CALCOCO2: variants seen among roughly 807,000 people sequenced by gnomAD.
The protein encoded by CALCOCO2 is calcium-binding and coiled-coil domain-containing protein 2.
In CALCOCO2, 42 loss-of-function variants were observed where a neutral mutation model predicts 62.5. That is an observed-to-expected ratio of 0.67 (90% CI 0.53 to 0.87). The LOEUF (loss-of-function observed/expected upper bound fraction) is 0.87, where lower values mean the gene tolerates loss of function less well. Among genes scored for constraint, CALCOCO2 ranks in the 40% least tolerant of loss-of-function variants. CALCOCO2 has a pLI of 0.00. For missense variants in CALCOCO2, 456 were observed against 515.0 expected, an observed-to-expected ratio of 0.89 and a Z score of 1.11; for synonymous variants, 167 against 173.0, an observed-to-expected ratio of 0.97 and a Z score of 0.27.
At chr17:48,849,145 G>A (rs1453560177) in intron 4 of CALCOCO2, 107 bp from the exon 5 acceptor site, 12 of 984,094 alleles carry the variant, frequency 1.2e-5, no homozygotes, top group Non-Finnish European at 1.9e-5. Flanking sequence ...GGGATACATA[G>A]GTGTCACTGC....
intron 2 of CALCOCO2, among the ~76,000 whole-genome samples, chr17:48,847,237 G>T (rs553781763): frequency 4.6e-4 from 69 of 151,116 alleles, no homozygotes; most frequent in Middle Eastern, 3.4e-3. Context: ...AAAATAATGG[G>T]TTTTTTTTTA....
At position 48,848,423 on chromosome 17, in the gene CALCOCO2, A is replaced by G. The variant is rs1410967677; in HGVS notation, c.385A>G (p.Asn129Asp). Residue 129 changes from asparagine to aspartate, a missense_variant, in exon 4 of 13, where the codon AAT becomes GAT. Physicochemically the swap from Asn to Asp is conservative, Grantham distance 23. This residue lies in a region of CALCOCO2 where 236 missense variants were observed against 225.3 expected (regional missense o/e 1.05). Transcript: ENST00000258947. ...ASIPFQFRPENEEDILVVTTQ... is the reference protein window; with the variant it reads ...ASIPFQFRPEDEEDILVVTTQ... ...TATTCCTTTCCAATTCCGTCCAGAAAATGAGGAAGACATCCTGGTTGTTAC... is the reference window on the plus strand; with the variant it reads ...TATTCCTTTCCAATTCCGTCCAGAAGATGAGGAAGACATCCTGGTTGTTAC... 1.2e-6 allele frequency: 2 copies of G among 1,613,964 alleles called. No individual in the cohort carries two copies. Among genetic ancestry groups the G allele is most frequent in the South Asian group, 2.2e-5 (2 of 91,082 alleles).
In CALCOCO2 at chr17:48,863,969, T is replaced by C. The variant is rs560628021; in HGVS notation, c.*964T>C. ...TGATTTCTCTTCACCTGTCTTAAGA[T>C]TAAATAAAAAAGAGTGTCCTGGCAG... On this transcript the variant is annotated 3_prime_UTR_variant, in exon 13 of 13. Coordinates refer to ENST00000258947, the MANE Select transcript of CALCOCO2 (RefSeq NM_005831.5). The C allele has an allele frequency of 5.9e-5, 9 of 152,132 alleles. No homozygotes were observed. Among genetic ancestry groups the C allele is most frequent in the African/African-American group, 1.9e-4 (8 of 41,524 alleles). 9.4% of individuals were successfully genotyped at this position (152,132 alleles called of 1,614,324 possible). A position where few individuals can be genotyped will look rare whatever the true frequency, so the allele number is the denominator to read the frequency against.
In CALCOCO2 at chr17:48,840,211, C is replaced by G. The variant is rs576406165; in HGVS notation, c.-10-1487C>G. Among the ~76,000 whole-genome samples the G allele has an allele frequency of 5.9e-5, 9 of 152,144 alleles. No individual in the cohort carries two copies. The East Asian group carries it at 1.7e-3, about 30-fold the overall frequency. On this transcript the variant is annotated intron_variant, in intron 1 of 12. Transcript: ENST00000258947. ...GTGGCACAATCTTGGCTCGCTGCAGCCTAGACCTCCCAGGCTCAAGCCATC... is the reference window on the plus strand; with the variant it reads ...GTGGCACAATCTTGGCTCGCTGCAGGCTAGACCTCCCAGGCTCAAGCCATC...
chr17:48,860,522 G>C, intron 11 of CALCOCO2, 73 bp downstream of exon 11: 2 of 1,426,034 alleles, frequency 1.4e-6, no homozygotes, highest in Non-Finnish European at 2.0e-6. Context: ...TTTTGTTTCT[G>C]AGGTGCTAAT....
chr17:48,852,039 G>A (rs1217900598), intron 7 of CALCOCO2, among the ~76,000 whole-genome samples: 1 of 151,958 alleles, frequency 6.6e-6, no homozygotes, highest in East Asian at 1.9e-4. Flanking sequence ...TCGGGAGGCT[G>A]AGGCAGAAGA....
At chr17:48,848,843 A>G (rs776140907) in intron 4 of CALCOCO2, 7 of 480,756 alleles carry the variant, frequency 1.5e-5, no homozygotes, top group South Asian at 9.3e-5. Context: ...TATTAGATTC[A>G]TTTTCTTACT....
chr17:48,863,290 C>T lies in CALCOCO2; in HGVS notation c.*285C>T. On this transcript the variant is annotated 3_prime_UTR_variant, in exon 13 of 13. Transcript: ENST00000258947. ...TCAGTACAAGGGCCCTGGGATGGAGCCAACCTGGGTATTCACAACAGGCCT... is the reference window on the plus strand; with the variant it reads ...TCAGTACAAGGGCCCTGGGATGGAGTCAACCTGGGTATTCACAACAGGCCT... The T allele has an allele frequency of 2.6e-6, 1 of 379,400 alleles. No individual in the cohort carries two copies. 23.5% of individuals were successfully genotyped at this position (379,400 alleles called of 1,614,324 possible).
chr17:48,859,897 C>T (rs768777652), intron 10 of CALCOCO2, among the ~76,000 whole-genome samples: 4 of 152,156 alleles, frequency 2.6e-5, no homozygotes, highest in Non-Finnish European at 5.9e-5. Context: ...GAGTTCGAGA[C>T]CAGCCCGGCC....
intron 10 of CALCOCO2, among the ~76,000 whole-genome samples, chr17:48,858,803 C>T (rs2040281414): frequency 6.6e-6 from 1 of 151,452 alleles, no homozygotes; most frequent in African/African-American, 2.4e-5. Flanking sequence ...GCCTGTAATC[C>T]CAGCACTTTG....
chr17:48,855,479 T>G (rs1259482727), intron 9 of CALCOCO2, among the ~76,000 whole-genome samples: 3 of 152,138 alleles, frequency 2.0e-5, no homozygotes, highest in African/African-American at 7.2e-5. Flanking sequence ...GTTTGTGAGG[T>G]ATGCACATGT....
intron 1 of CALCOCO2, chr17:48,831,980 C>CTCT (rs1320271619): frequency 2.0e-5 from 3 of 152,164 alleles, no homozygotes; most frequent in African/African-American, 7.2e-5. Context: ...CTTTGGCAGA[C>CTCT]ATGACAGCTG....
chr17:48,848,510 G>A, intron 4 of CALCOCO2, 55 bp downstream of exon 4: 1 of 1,526,340 alleles, frequency 6.6e-7, no homozygotes, highest in East Asian at 2.2e-5. Flanking sequence ...AGCAATATAG[G>A]ATAGGATGGA....
At chr17:48,858,011 ATAG>A (rs1316240840) in intron 10 of CALCOCO2, among the ~76,000 whole-genome samples, 4 of 16,284 alleles carry the variant, frequency 2.5e-4, no homozygotes, top group Non-Finnish European at 5.9e-4. Flanking sequence ...ATAGAATAGA[ATAG>A]AATAGAATAG....
intron 1 of CALCOCO2, among the ~76,000 whole-genome samples, chr17:48,837,480 A>T (rs12939265): frequency 0.36 from 54,391 of 151,710 alleles, 11,528 homozygotes; most frequent in Non-Finnish European, 0.49. Flanking sequence ...CCCCCTCTGT[A>T]CTAAAAATAC....
intron 6 of CALCOCO2, 88 bp from the exon 7 acceptor site, chr17:48,851,470 AG>A: frequency 3.7e-6 from 3 of 809,026 alleles, no homozygotes; most frequent in Non-Finnish European, 6.6e-6. Flanking sequence ...CTGCAGGCTT[AG>A]GGCCAAGCCA....
chr17:48,837,207 G>A (rs1250994082), intron 1 of CALCOCO2, among the ~76,000 whole-genome samples: 1 of 152,134 alleles, frequency 6.6e-6, no homozygotes, highest in East Asian at 1.9e-4. Flanking sequence ...AGACCACTTG[G>A]AAATAAAGGG....
intron 7 of CALCOCO2, among the ~76,000 whole-genome samples, chr17:48,852,094 C>T (rs568063739): frequency 4.0e-5 from 6 of 151,108 alleles, no homozygotes; most frequent in East Asian, 1.9e-4. Context: ...ATAGAGATTG[C>T]ACCACTGCAC....
Position 48,863,002 on chromosome 17 carries a change from C to CGG in CALCOCO2, c.1338_1339insGG (p.Ter447GlyfsTer16). On this transcript the variant is annotated frameshift_variant, in exon 13 of 13. Transcript: ENST00000258947. LOFTEE classifies it high-confidence loss of function. ...AAGACCACGTGTTCTGCCACTCTCTCTGAGTATCCCAACCTCTTGGATGTA... is the reference window on the plus strand; with the variant it reads ...AAGACCACGTGTTCTGCCACTCTCTCGGTGAGTATCCCAACCTCTTGGATGTA... 6.2e-7 allele frequency: 1 copy of CGG among 1,607,578 alleles called. No homozygotes were observed. Among genetic ancestry groups the CGG allele is most frequent in the East Asian group, 2.2e-5 (1 of 44,854 alleles).
Sources: allele counts gnomAD v4.1 joint callset (sites outside exome capture counted in the v4.1 genomes callset), GRCh38; gene constraint gnomAD v4.1.1; regional missense constraint gnomAD v4.1.1; transcripts MANE v1.5; gene names NCBI Gene and HGNC (gene_info 2026-07-23, HGNC 2026-07-21).